Variants in IMMP2L observed in about 807,000 individuals in gnomAD.
The protein encoded by IMMP2L is inner mitochondrial membrane peptidase subunit 2.
Under a neutral mutation model 19.3 loss-of-function variants are expected in IMMP2L, and 18 were observed. The observed-to-expected ratio is 0.93, with a 90% CI of 0.64 to 1.38. The LOEUF (loss-of-function observed/expected upper bound fraction) is 1.38. Ranked by LOEUF, IMMP2L falls within the 40% of genes most tolerant of loss-of-function variation. IMMP2L has a pLI of 0.00. For missense variants in IMMP2L, 233 were observed against 218.2 expected (o/e 1.07, Z -0.43); for synonymous variants, 76 against 73.0 (o/e 1.04, Z -0.21).
At chr7:111,111,241 C>G (rs1799152809) in intron 3 of IMMP2L, among the ~76,000 whole-genome samples, 1 of 149,712 alleles carries the variant, frequency 6.7e-6, no homozygotes. Flanking sequence ...TCATGTACAA[C>G]CTTGCAAAAA....
intron 3 of IMMP2L, among the ~76,000 whole-genome samples, chr7:111,206,576 A>AATG (rs1810730859): frequency 6.6e-6 from 1 of 152,168 alleles, no homozygotes; most frequent in Non-Finnish European, 1.5e-5. Context: ...AAGACATACA[A>AATG]TATACAATGT....
chr7:111,038,474 C>A (rs1162660788), intron 3 of IMMP2L, among the ~76,000 whole-genome samples: 2 of 151,994 alleles, frequency 1.3e-5, no homozygotes, highest in East Asian at 3.9e-4. Context: ...GTTCAAAGAC[C>A]CTGAACTAGG....
intron 3 of IMMP2L, among the ~76,000 whole-genome samples, chr7:111,279,615 A>C (rs1353425765): frequency 6.6e-6 from 1 of 152,204 alleles, no homozygotes; most frequent in African/African-American, 2.4e-5. Context: ...AACTAAGGCA[A>C]GATTTCTCTG....
chr7:110,744,678 TAACA>T (rs1446840464), intron 5 of IMMP2L, among the ~76,000 whole-genome samples: 2 of 152,140 alleles, frequency 1.3e-5, no homozygotes, highest in Admixed American at 6.5e-5. Context: ...GAAGGAAAAC[TAACA>T]AACAGATAGG....
rs563286461 is a variant in IMMP2L at position 111,123,407 on chromosome 7, T to A, written c.240-159842A>T. On this transcript the variant is annotated intron_variant, in intron 3 of 5. Coordinates refer to ENST00000405709, the MANE Select transcript of IMMP2L (RefSeq NM_032549.4). The surrounding 1 kb of genome is among the most constrained non-coding windows in gnomAD (Gnocchi z 6.4). ...AAAGACATGAACTTTAAGCCTCTTA[T>A]CAATCTTCGCAGCCTGGTTATAGCT... The A allele has an allele frequency of 6.2e-7, 1 of 1,613,594 alleles. No homozygotes were observed. Among genetic ancestry groups the A allele is most frequent in the South Asian group, 1.1e-5 (1 of 90,998 alleles).
At chr7:111,143,879 C>T (rs533830544) in intron 3 of IMMP2L, among the ~76,000 whole-genome samples, 9 of 152,114 alleles carry the variant, frequency 5.9e-5, no homozygotes, top group Non-Finnish European at 1.2e-4. Context: ...TCAAAGTAGC[C>T]CATATGCACT....
intron 3 of IMMP2L, among the ~76,000 whole-genome samples, chr7:110,964,083 G>T (rs1819271499): frequency 6.6e-6 from 1 of 151,840 alleles, no homozygotes; most frequent in Admixed American, 6.6e-5. Context: ...CTCTCCTGCC[G>T]CCATGAGAAG....
intron 3 of IMMP2L, among the ~76,000 whole-genome samples, chr7:111,282,609 A>G (rs1186706154): frequency 6.6e-6 from 1 of 152,010 alleles, no homozygotes; most frequent in African/African-American, 2.4e-5. Context: ...TTTTTAAGAC[A>G]GGGTCTCTCT....
intron 3 of IMMP2L, among the ~76,000 whole-genome samples, chr7:111,374,258 A>C (rs543012658): frequency 5.3e-5 from 8 of 152,244 alleles, no homozygotes; most frequent in African/African-American, 1.9e-4. Context: ...TCAAGTCAAT[A>C]TTCATGTAAT....
In IMMP2L at chr7:110,877,449, A is replaced by G. The variant is rs1216787649; in HGVS notation, c.408+9144T>C. 6.6e-6 allele frequency among the ~76,000 whole-genome samples: 1 copy of G among 152,166 alleles called. No individual in the cohort carries two copies. Among genetic ancestry groups the G allele is most frequent in the Non-Finnish European group, 1.5e-5 (1 of 68,026 alleles). ...GTAGGTCTGGGAGTAGTCATTGTCC[A>G]GATTAAGGTGGGCAGGCACAAGATA... On this transcript the variant is annotated intron_variant, in intron 5 of 5. Transcript: ENST00000405709. This position sits in a 1 kb window ranked among gnomAD's most constrained non-coding sequence, Gnocchi z 4.0.
At chr7:110,837,828 C>G (rs955927414) in intron 5 of IMMP2L, among the ~76,000 whole-genome samples, 1 of 152,036 alleles carries the variant, frequency 6.6e-6, no homozygotes, top group Non-Finnish European at 1.5e-5. Flanking sequence ...CCTTCCTAAC[C>G]GGGAATCCCA....
At chr7:110,860,457 A>G (rs1157370951) in intron 5 of IMMP2L, among the ~76,000 whole-genome samples, 1 of 152,126 alleles carries the variant, frequency 6.6e-6, no homozygotes, top group East Asian at 1.9e-4. Context: ...GACAGATACA[A>G]TTATAGAACT....
At position 110,760,359 on chromosome 7, in the gene IMMP2L, A is replaced by G. The variant is rs190966393; in HGVS notation, c.409-96638T>C. Among the ~76,000 whole-genome samples, 747 of 152,268 alleles carry G rather than the reference A, an allele frequency of 4.9e-3. 7 individuals carry two copies. Among genetic ancestry groups the G allele is most frequent in the Middle Eastern group, 6.8e-3 (2 of 294 alleles). On this transcript the variant is annotated intron_variant, in intron 5 of 5. Transcript: ENST00000405709. This position sits in a 1 kb window ranked among gnomAD's most constrained non-coding sequence, Gnocchi z 4.2. The stretch of plus-strand genomic sequence containing the variant: ...TCTGTATAGTGTTCAGGAAACTACA[A>G]TAATTCAGCAATAGATGAAAATGTT...
intron 3 of IMMP2L, among the ~76,000 whole-genome samples, chr7:111,030,886 A>G (rs55936112): frequency 0.2 from 227 of 1,150 alleles, 1 homozygote; most frequent in African/African-American, 0.36. Context: ...GTGTGTGTGT[A>G]TATATATATA....
At chr7:111,511,869 G>A (rs1845481945) in intron 2 of IMMP2L, among the ~76,000 whole-genome samples, 1 of 152,076 alleles carries the variant, frequency 6.6e-6, no homozygotes, top group Non-Finnish European at 1.5e-5. Context: ...TAGGAGATGG[G>A]GCAAGTAGGC....
intron 3 of IMMP2L, among the ~76,000 whole-genome samples, chr7:111,160,627 A>G (rs1374379953): frequency 6.6e-6 from 1 of 151,816 alleles, no homozygotes; most frequent in Non-Finnish European, 1.5e-5. Context: ...TTCATGAGCT[A>G]AGTATGTCAT....
At chr7:111,462,950 G>T (rs896739784) in intron 3 of IMMP2L, among the ~76,000 whole-genome samples, 2 of 152,194 alleles carry the variant, frequency 1.3e-5, no homozygotes, top group South Asian at 4.1e-4. Context: ...ATTCTGCAGG[G>T]TTGCCATAAC....
intron 5 of IMMP2L, among the ~76,000 whole-genome samples, chr7:110,827,523 A>C (rs1803607944): frequency 6.6e-6 from 1 of 152,180 alleles, no homozygotes; most frequent in Middle Eastern, 3.2e-3. Flanking sequence ...CCTCACTTTC[A>C]AGGATTTCAC....
chr7:111,507,177 G>C (rs1844997908), intron 2 of IMMP2L, among the ~76,000 whole-genome samples: 2 of 152,096 alleles, frequency 1.3e-5, no homozygotes, highest in Admixed American at 1.3e-4. Flanking sequence ...GTCCTGATTT[G>C]ATCTCTACCC....
Sources: allele counts gnomAD v4.1 joint callset (sites outside exome capture counted in the v4.1 genomes callset), GRCh38; gene constraint gnomAD v4.1.1; non-coding constraint Gnocchi (gnomAD v3.1); transcripts MANE v1.5; gene names NCBI Gene and HGNC (gene_info 2026-07-23, HGNC 2026-07-21).